GRM7: variants seen among roughly 807,000 people sequenced by gnomAD.
GRM7 encodes the protein glutamate metabotropic receptor 7.
GRM7 carries 35 observed loss-of-function variants against 84.5 expected under a neutral mutation model. That is an observed-to-expected ratio of 0.41 (90% CI 0.32 to 0.55). The LOEUF is 0.55. Ranked by LOEUF, GRM7 falls within the 20% of genes least tolerant of loss-of-function variation. The pLI is 0.19. For synonymous variants in GRM7, 487 were observed against 455.1 expected (o/e 1.07, Z -0.89); for missense variants, 1,003 against 1,194.6 (o/e 0.84, Z 2.36).
chr3:7,391,764 G>GAA (rs1175020286), intron 4 of GRM7, among the ~76,000 whole-genome samples: 39 of 129,666 alleles, frequency 3.0e-4, no homozygotes, highest in African/African-American at 9.6e-4. Flanking sequence ...GGTGTGCATG[G>GAA]AAAAAAAACA....
At chr3:7,464,160 G>A (rs1553602389) in intron 7 of GRM7, among the ~76,000 whole-genome samples, 1 of 152,142 alleles carries the variant, frequency 6.6e-6, no homozygotes. Context: ...CTTTTTATCA[G>A]AAGTCATTGG....
chr3:7,673,110 A>G (rs578206042), intron 8 of GRM7, among the ~76,000 whole-genome samples: 1 of 152,336 alleles, frequency 6.6e-6, no homozygotes, highest in South Asian at 2.1e-4. Flanking sequence ...GTTACATGCT[A>G]GTAACTGTTC....
intron 9 of GRM7, among the ~76,000 whole-genome samples, chr3:7,710,406 C>T (rs1016518870): frequency 1.1e-4 from 17 of 152,114 alleles, no homozygotes; most frequent in African/African-American, 3.6e-4. Context: ...ACACAGTAAT[C>T]GCTGGAGATT....
intron 7 of GRM7, among the ~76,000 whole-genome samples, chr3:7,489,827 C>T (rs1319857756): frequency 2.0e-5 from 3 of 151,476 alleles, no homozygotes; most frequent in African/African-American, 7.3e-5. Context: ...ACCTTCAGGA[C>T]AAAATACAGG....
At chr3:7,493,661 G>A (rs565248329) in intron 7 of GRM7, among the ~76,000 whole-genome samples, 1 of 151,834 alleles carries the variant, frequency 6.6e-6, no homozygotes, top group East Asian at 1.9e-4. Context: ...GGCATATTTA[G>A]ACCATTTAAA....
intron 1 of GRM7, among the ~76,000 whole-genome samples, chr3:6,933,492 GA>G (rs1697580289): frequency 6.6e-6 from 1 of 152,156 alleles, no homozygotes; most frequent in Non-Finnish European, 1.5e-5. Flanking sequence ...TTTTAAAGTG[GA>G]AAAATTTATG....
chr3:7,624,078 G>A (rs1488847127), intron 8 of GRM7, among the ~76,000 whole-genome samples: 1 of 152,114 alleles, frequency 6.6e-6, no homozygotes, highest in Non-Finnish European at 1.5e-5. Flanking sequence ...TTGAACTTAG[G>A]TCCTCTATAA....
At chr3:6,974,703 C>T (rs567702404) in intron 1 of GRM7, among the ~76,000 whole-genome samples, 1 of 152,078 alleles carries the variant, frequency 6.6e-6, no homozygotes, top group East Asian at 1.9e-4. Context: ...CGAGGATGGC[C>T]CATCAGACAT....
chr3:7,467,524 C>T (rs1205299696), intron 7 of GRM7, among the ~76,000 whole-genome samples: 1 of 152,180 alleles, frequency 6.6e-6, no homozygotes, highest in Non-Finnish European at 1.5e-5. Flanking sequence ...CTAATCAAGA[C>T]ATCACTGGAT....
At chr3:7,378,411 A>G (rs909124019) in intron 4 of GRM7, among the ~76,000 whole-genome samples, 7 of 152,172 alleles carry the variant, frequency 4.6e-5, no homozygotes, top group Non-Finnish European at 1.0e-4. Flanking sequence ...ATGAAGTAAT[A>G]TTTTTCTACT....
rs553895883 is a variant in GRM7, at chr3:7,651,076, G to A, written c.2452-28973G>A. On this transcript the variant is annotated intron_variant, in intron 8 of 9. Coordinates refer to ENST00000357716, the MANE Select transcript of GRM7 (RefSeq NM_000844.4). ...TTATTCAACACATGAAGCTTAAATA[G>A]CACAGGGTGTTCATACAGTTCACGT... 7.2e-5 allele frequency among the ~76,000 whole-genome samples: 11 copies of A among 152,282 alleles called. No homozygotes were observed. In the East Asian group the frequency reaches 7.7e-4, roughly 11 times the overall value.
chr3:7,281,442 C>T (rs541881471), intron 2 of GRM7, among the ~76,000 whole-genome samples: 63 of 152,166 alleles, frequency 4.1e-4, no homozygotes, highest in African/African-American at 1.5e-3. Context: ...TGTGAATTTT[C>T]CTTCTATCCC....
At position 7,656,518 on chromosome 3, in the gene GRM7, A is replaced by ATATATATATAT. The variant is rs1298850673; in HGVS notation, c.2452-23531_2452-23530insTATATATATAT. On this transcript the variant is annotated intron_variant, in intron 8 of 9. Coordinates refer to ENST00000357716, the MANE Select transcript of GRM7 (RefSeq NM_000844.4). The stretch of plus-strand genomic sequence containing the variant: ...CTCAAAAAACAAACAAACAAATAAA[A>ATATATATATAT]AAAAATATATATATATATATACGCG... 1.9e-4 allele frequency among the ~76,000 whole-genome samples: 18 copies of ATATATATATAT among 93,286 alleles called. No individual in the cohort carries two copies. In the South Asian group the frequency reaches 5.8e-3, roughly 30 times the overall value. The allele number at this position is 93,286 out of a possible 152,430, so 61.2% of individuals were successfully genotyped here.
chr3:7,427,462 C>T (rs1412784687), intron 5 of GRM7, among the ~76,000 whole-genome samples: 1 of 152,176 alleles, frequency 6.6e-6, no homozygotes, highest in Non-Finnish European at 1.5e-5. Flanking sequence ...TTACTGGGTA[C>T]TTTCTTAAAT....
chr3:7,610,677 T>C (rs1235335442), intron 8 of GRM7, among the ~76,000 whole-genome samples: 2 of 152,182 alleles, frequency 1.3e-5, no homozygotes, highest in Admixed American at 1.3e-4. Context: ...AGGAAGCATC[T>C]TGGGATTTTG....
chr3:6,889,879 G>C (rs972329503), intron 1 of GRM7, among the ~76,000 whole-genome samples: 2 of 152,156 alleles, frequency 1.3e-5, no homozygotes, highest in African/African-American at 4.8e-5. Context: ...TTTTTGGTTG[G>C]TAAGCTATTA....
intron 2 of GRM7, among the ~76,000 whole-genome samples, chr3:7,208,040 G>A (rs1212581085): frequency 6.6e-6 from 1 of 152,104 alleles, no homozygotes; most frequent in African/African-American, 2.4e-5. Flanking sequence ...ATTGAATGTG[G>A]CAAGATAAAT....
chr3:7,715,442 C>T (rs540052537), intron 9 of GRM7, among the ~76,000 whole-genome samples: 9 of 152,120 alleles, frequency 5.9e-5, no homozygotes, highest in Non-Finnish European at 1.2e-4. Context: ...CACTGCACTC[C>T]ACGCCATAGC....
intron 2 of GRM7, among the ~76,000 whole-genome samples, chr3:7,169,711 G>T (rs1193836715): frequency 6.6e-6 from 1 of 152,050 alleles, no homozygotes; most frequent in African/African-American, 2.4e-5. Context: ...TGGGGCAATG[G>T]TTTGCTTATT....
Sources: allele counts gnomAD v4.1 joint callset (sites outside exome capture counted in the v4.1 genomes callset), GRCh38; gene constraint gnomAD v4.1.1; transcripts MANE v1.5; gene names NCBI Gene and HGNC (gene_info 2026-07-23, HGNC 2026-07-21).